Variants in CTNNA2 observed in about 807,000 individuals in gnomAD.
CTNNA2 encodes catenin alpha-2.
CTNNA2 carries 42 observed loss-of-function variants against 101.0 expected under a neutral mutation model. That is an observed-to-expected ratio of 0.42 (90% CI 0.32 to 0.54). The LOEUF is 0.54. Ranked by LOEUF, CTNNA2 falls within the 20% of genes least tolerant of loss-of-function variation. The probability of loss-of-function intolerance (pLI) is 0.14; values close to 1 mark genes in which losing one functional copy is unlikely to be tolerated. For synonymous variants in CTNNA2, 450 were observed against 456.4 expected, an observed-to-expected ratio of 0.99 and a Z score of 0.18; for missense variants, 871 against 1,223.1, an observed-to-expected ratio of 0.71 and a Z score of 4.29.
chr2:79,850,309 T>C, intron 3 of CTNNA2, among the ~76,000 whole-genome samples: 1 of 92,636 alleles, frequency 1.1e-5, no homozygotes, highest in Non-Finnish European at 2.0e-5. Context: ...CCCCCTCCCT[T>C]CCTTTCTTCC....
At chr2:79,629,987 G>A (rs1679579753) in intron 1 of CTNNA2, among the ~76,000 whole-genome samples, 1 of 152,080 alleles carries the variant, frequency 6.6e-6, no homozygotes, top group African/African-American at 2.4e-5. Context: ...TACACCCTAA[G>A]CCAATATTTC....
At chr2:79,737,689 A>G (rs916308336) in intron 2 of CTNNA2, among the ~76,000 whole-genome samples, 2 of 152,222 alleles carry the variant, frequency 1.3e-5, no homozygotes, top group Non-Finnish European at 2.9e-5. Context: ...ACAAGCCTAT[A>G]TAACACTGAT....
At chr2:80,180,445 G>A (rs1450780752) in intron 7 of CTNNA2, among the ~76,000 whole-genome samples, 1 of 152,214 alleles carries the variant, frequency 6.6e-6, no homozygotes, top group East Asian at 1.9e-4. Flanking sequence ...CTCTACATGA[G>A]TCAGACTATT....
chr2:79,415,176 G>A (rs557800075), intron 4 of CTNNA2, among the ~76,000 whole-genome samples: 1 of 152,136 alleles, frequency 6.6e-6, no homozygotes, highest in Non-Finnish European at 1.5e-5. Context: ...CCATCCCTTT[G>A]GTTATGAGTG....
At chr2:79,492,333 A>T (rs947544074) in intron 4 of CTNNA2, among the ~76,000 whole-genome samples, 7 of 151,894 alleles carry the variant, frequency 4.6e-5, no homozygotes, top group Non-Finnish European at 7.4e-5. Flanking sequence ...TTTTGCATTC[A>T]CTGTATTCAT....
chr2:80,167,263 G>C (rs1473561697), intron 7 of CTNNA2, among the ~76,000 whole-genome samples: 2 of 151,940 alleles, frequency 1.3e-5, no homozygotes, highest in Non-Finnish European at 2.9e-5. Context: ...TATTTTTCTT[G>C]TTATTAGAAG....
Position 79,874,025 on chromosome 2 carries a change from T to C in CTNNA2, c.586-51T>C, listed in dbSNP as rs376180062. The C allele has an allele frequency of 1.5e-4, 235 of 1,599,836 alleles. 1 individual carries two copies. The highest frequency in any genetic ancestry group is 2.7e-4 in the Admixed American group (16 of 59,236). On this transcript the variant is annotated intron_variant, in intron 5 of 18. Transcript: ENST00000402739. The stretch of plus-strand genomic sequence containing the variant: ...GTGACTCCAAACTGTGTTGCAAATA[T>C]TTCTATGCAAATTTCATGTGTGTGA...
intron 7 of CTNNA2, among the ~76,000 whole-genome samples, chr2:80,174,345 A>G (rs374199315): frequency 5.9e-5 from 9 of 152,126 alleles, no homozygotes; most frequent in Non-Finnish European, 8.8e-5. Context: ...GTGCTCACCT[A>G]TGTATACTCT....
In CTNNA2 at chr2:80,569,633, G is replaced by GTTTTTTTTTTTTTTTTTTTTTTTTTTTTT. The variant is rs70940088; in HGVS notation, c.1742-4503_1742-4502insTTTTTTTTTTTTTTTTTTTTTTTTTTTTT. Among the ~76,000 whole-genome samples the GTTTTTTTTTTTTTTTTTTTTTTTTTTTTT allele has an allele frequency of 2.6e-3, 134 of 51,726 alleles. 35 individuals carry two copies. Among genetic ancestry groups the GTTTTTTTTTTTTTTTTTTTTTTTTTTTTT allele is most frequent in the Non-Finnish European group, 3.9e-3 (99 of 25,576 alleles). The allele number at this position is 51,726 out of a possible 152,430, so 33.9% of individuals were successfully genotyped here. On this transcript the variant is annotated intron_variant, in intron 12 of 18. Transcript: ENST00000402739. ...TCAGTATTACTTTTGGGGTATTTAGGTTTTTTTTTTTTTTTTTTTTTTTTT... is the reference window on the plus strand; with the variant it reads ...TCAGTATTACTTTTGGGGTATTTAGGTTTTTTTTTTTTTTTTTTTTTTTTTTTTTTTTTTTTTTTTTTTTTTTTTTTTTT...
At chr2:79,938,556 C>T (rs1411974571) in intron 7 of CTNNA2, among the ~76,000 whole-genome samples, 1 of 152,158 alleles carries the variant, frequency 6.6e-6, no homozygotes, top group Non-Finnish European at 1.5e-5. Flanking sequence ...GTAAGAACAG[C>T]GAGCGATCTG....
chr2:79,460,495 A>C (rs766885704), intron 4 of CTNNA2, among the ~76,000 whole-genome samples: 1 of 152,282 alleles, frequency 6.6e-6, no homozygotes, highest in Non-Finnish European at 1.5e-5. Flanking sequence ...TTATTCTATT[A>C]TCTAAATATC....
intron 7 of CTNNA2, among the ~76,000 whole-genome samples, chr2:80,320,531 C>T (rs1211340388): frequency 6.6e-6 from 1 of 152,158 alleles, no homozygotes; most frequent in African/African-American, 2.4e-5. Flanking sequence ...GAATTCACCC[C>T]CCGATGATTG....
chr2:80,300,952 A>T (rs937617171), intron 7 of CTNNA2, among the ~76,000 whole-genome samples: 5 of 151,934 alleles, frequency 3.3e-5, no homozygotes, highest in African/African-American at 1.2e-4. Flanking sequence ...CAACACAGAA[A>T]AAAAAAAAAG....
At chr2:79,454,906 G>T (rs2104529987) in intron 4 of CTNNA2, among the ~76,000 whole-genome samples, 1 of 152,212 alleles carries the variant, frequency 6.6e-6, no homozygotes, top group Admixed American at 6.5e-5. Flanking sequence ...TATAATATTG[G>T]GAGTTTTTAT....
chr2:79,587,578 C>T (rs1676577723), intron 1 of CTNNA2, among the ~76,000 whole-genome samples: 1 of 152,152 alleles, frequency 6.6e-6, no homozygotes, highest in Non-Finnish European at 1.5e-5. Flanking sequence ...GCACTAATGT[C>T]CACTCTTCTA....
At chr2:80,376,200 T>C (rs1216404623) in intron 7 of CTNNA2, among the ~76,000 whole-genome samples, 3 of 152,184 alleles carry the variant, frequency 2.0e-5, no homozygotes, top group African/African-American at 4.8e-5. Flanking sequence ...AAATCCTAAA[T>C]TCCTAATGAA....
chr2:80,266,836 G>T (rs910109427), intron 7 of CTNNA2, among the ~76,000 whole-genome samples: 1 of 152,116 alleles, frequency 6.6e-6, no homozygotes, highest in African/African-American at 2.4e-5. Context: ...CACAGAGCAG[G>T]CATCTTCCTA....
At chr2:79,192,980 A>C (rs767163536) in intron 1 of CTNNA2, among the ~76,000 whole-genome samples, 5 of 152,102 alleles carry the variant, frequency 3.3e-5, no homozygotes, top group Non-Finnish European at 5.9e-5. Context: ...CCTCCCTTCA[A>C]GTTACTATCC....
rs6547269 is a variant in CTNNA2 at position 79,744,831 on chromosome 2, C to A, written c.298+249C>A. 0.44 allele frequency among the ~76,000 whole-genome samples: 66,820 copies of A among 151,934 alleles called. 16,837 individuals carry two copies. The highest frequency in any genetic ancestry group is 0.71 in the African/African-American group (29,327 of 41,414). On this transcript the variant is annotated intron_variant, in intron 3 of 18. Transcript: ENST00000402739. ...AATCTTCAAGATGTTTCTTCTTGGT[C>A]AATGTAAACAGACTTTGTGTCAAAC...
Sources: allele counts gnomAD v4.1 joint callset (sites outside exome capture counted in the v4.1 genomes callset), GRCh38; gene constraint gnomAD v4.1.1; transcripts MANE v1.5; gene names NCBI Gene and HGNC (gene_info 2026-07-23, HGNC 2026-07-21).